Variants in HTR4 observed in about 807,000 individuals in gnomAD.
The protein encoded by HTR4 is 5-hydroxytryptamine (serotonin) receptor 4, G protein-coupled.
A neutral mutation model predicts 36.8 loss-of-function variants in HTR4; 16 were observed. That is an observed-to-expected ratio of 0.43 (90% CI 0.29 to 0.66). HTR4 has a LOEUF of 0.66. HTR4 is among the 30% of genes least tolerant of loss of function. The pLI is 0.13. For synonymous variants in HTR4, 189 were observed against 185.1 expected (o/e 1.02, Z -0.17); for missense variants, 438 against 490.9 (o/e 0.89, Z 1.02).
chr5:148,641,479 T>C (rs7712170), intron 1 of HTR4, among the ~76,000 whole-genome samples: 73,539 of 151,974 alleles, frequency 0.48, 18,422 homozygotes, highest in African/African-American at 0.6. Flanking sequence ...GGCGAGGAGT[T>C]AAGCAAACTC....
chr5:148,569,470 A>G (rs1009551532), intron 2 of HTR4, among the ~76,000 whole-genome samples: 4 of 152,236 alleles, frequency 2.6e-5, no homozygotes, highest in African/African-American at 9.6e-5. Context: ...TTACCTATGT[A>G]ACAAATCTGC....
intron 2 of HTR4, among the ~76,000 whole-genome samples, chr5:148,621,478 A>T (rs749470184): frequency 1.4e-4 from 22 of 152,210 alleles, no homozygotes; most frequent in Middle Eastern, 3.2e-3. Flanking sequence ...TGCCAGTTGC[A>T]TCAAACTCCT....
At chr5:148,596,330 G>A (rs929635876) in intron 2 of HTR4, among the ~76,000 whole-genome samples, 1 of 152,084 alleles carries the variant, frequency 6.6e-6, no homozygotes, top group African/African-American at 2.4e-5. Flanking sequence ...TCATCTTCCA[G>A]AAGCAAACCT....
chr5:148,518,369 A>C (rs1312659131), intron 5 of HTR4, among the ~76,000 whole-genome samples: 5 of 152,170 alleles, frequency 3.3e-5, no homozygotes. Context: ...AGATTCTCAA[A>C]TATGGTTGGG....
chr5:148,550,834 A>G (rs1481703117), intron 2 of HTR4, among the ~76,000 whole-genome samples: 1 of 152,148 alleles, frequency 6.6e-6, no homozygotes, highest in Non-Finnish European at 1.5e-5. Context: ...ATGATCCACG[A>G]TCCAATCATA....
At chr5:148,647,412 T>A (rs141918128) in intron 1 of HTR4, among the ~76,000 whole-genome samples, 2,328 of 152,270 alleles carry the variant, frequency 0.015, 27 homozygotes, top group Middle Eastern at 0.041. Context: ...AGGTGGACTA[T>A]TTTTTGTGGC....
Position 148,482,044 on chromosome 5 carries a change from A to G in HTR4, c.*1159T>C. 1.0e-6 allele frequency: 1 copy of G among 982,908 alleles called. No homozygotes were observed. The highest frequency in any genetic ancestry group is 1.7e-5 in the African/African-American group (1 of 57,310). The allele number at this position is 982,908 out of a possible 1,614,324, so 60.9% of individuals were successfully genotyped here. A position where few individuals can be genotyped will look rare whatever the true frequency, so the allele number is the denominator to read the frequency against. On this transcript the variant is annotated 3_prime_UTR_variant, in exon 7 of 7. Transcript: ENST00000377888. ...TCCAAGCTTGAGTGCACAGATGTGG[A>G]AAGTGGGGTCCAGAGATGAAAGAAC...
rs1296569288 is a variant in HTR4, at chr5:148,509,877, C to T, written c.655G>A (p.Ala219Thr). 6.2e-7 allele frequency: 1 copy of T among 1,613,954 alleles called. No individual in the cohort carries two copies. The highest frequency in any genetic ancestry group is 8.5e-7 in the Non-Finnish European group (1 of 1,179,982). The change falls in exon 6 of 7, where the codon GCT (alanine) becomes ACT (threonine). Residue 219 changes from alanine to threonine, a missense_variant. Coordinates refer to ENST00000377888, the MANE Select transcript of HTR4 (RefSeq NM_000870.7). ...TGGATCTGATGGGCATGCTCCTTAGCTGTGACATAGATGCGGTAATAGGCC... is the reference window on the plus strand; with the variant it reads ...TGGATCTGATGGGCATGCTCCTTAGTTGTGACATAGATGCGGTAATAGGCC... The part of the protein sequence containing the change: ...VLAYYRIYVT[A>T]KEHAHQIQML...
At chr5:148,501,976 C>T (rs766004133) in intron 6 of HTR4, among the ~76,000 whole-genome samples, 25 of 151,478 alleles carry the variant, frequency 1.7e-4, no homozygotes, top group African/African-American at 2.7e-4. Context: ...AAGAGAATGG[C>T]GTGAACCTGG....
rs58468874 is a variant in HTR4 at position 148,638,830 on chromosome 5, G to A, written c.-47-1769C>T. ...AACACTTTGGGGGGCCTAGGTGAGTGGATCGCTTGAGCCCAGGAGTTTGAG... is the reference window on the plus strand; with the variant it reads ...AACACTTTGGGGGGCCTAGGTGAGTAGATCGCTTGAGCCCAGGAGTTTGAG... On this transcript the variant is annotated intron_variant, in intron 1 of 6. Transcript: ENST00000377888. 7.8e-4 allele frequency among the ~76,000 whole-genome samples: 118 copies of A among 152,214 alleles called. 1 individual carries two copies. The East Asian group carries it at 0.02, about 26-fold the overall frequency.
chr5:148,603,220 C>T (rs911905561), intron 2 of HTR4, among the ~76,000 whole-genome samples: 7 of 151,876 alleles, frequency 4.6e-5, no homozygotes, highest in African/African-American at 1.7e-4. Flanking sequence ...ATAGTTATTT[C>T]ATCATTGTGA....
chr5:148,590,538 C>T (rs116238527), intron 2 of HTR4, among the ~76,000 whole-genome samples: 1 of 151,852 alleles, frequency 6.6e-6, no homozygotes, highest in African/African-American at 2.4e-5. Context: ...CAAATACTTT[C>T]TCAGCGCTAC....
At chr5:148,629,637 T>C (rs920158582) in intron 2 of HTR4, 2 of 152,120 alleles carry the variant, frequency 1.3e-5, no homozygotes, top group African/African-American at 4.8e-5. Context: ...CCAAATTCTC[T>C]AAAACAGGTG....
chr5:148,539,914 T>C (rs997576143), intron 4 of HTR4, among the ~76,000 whole-genome samples: 1 of 152,066 alleles, frequency 6.6e-6, no homozygotes, highest in Admixed American at 6.6e-5. Flanking sequence ...TAAAGACACA[T>C]GCACCCAAAT....
chr5:148,558,269 C>T (rs1299803297), intron 2 of HTR4, among the ~76,000 whole-genome samples: 1 of 151,966 alleles, frequency 6.6e-6, no homozygotes, highest in East Asian at 1.9e-4. Context: ...ATTTTATTAA[C>T]CTTAAATATA....
rs558457339 is a variant in HTR4, at chr5:148,572,494, G to T, written c.27-22232C>A. On this transcript the variant is annotated intron_variant, in intron 2 of 6. Coordinates refer to ENST00000377888, the MANE Select transcript of HTR4 (RefSeq NM_000870.7). ...GCATAATTATGAAGATAATCTAACAGTAAAATACATAATATGGAATACAGA... is the reference window on the plus strand; with the variant it reads ...GCATAATTATGAAGATAATCTAACATTAAAATACATAATATGGAATACAGA... Among the ~76,000 whole-genome samples the T allele has an allele frequency of 1.3e-3, 203 of 152,132 alleles. 1 individual carries two copies. Among genetic ancestry groups the T allele is most frequent in the African/African-American group, 4.7e-3 (197 of 41,538 alleles).
intron 4 of HTR4, among the ~76,000 whole-genome samples, chr5:148,534,577 C>G (rs973958616): frequency 2.0e-5 from 3 of 152,176 alleles, no homozygotes; most frequent in African/African-American, 7.2e-5. Flanking sequence ...TGGAACTGCC[C>G]TTGCTACCCT....
chr5:148,625,358 G>A (rs1033297025), intron 2 of HTR4, among the ~76,000 whole-genome samples: 3 of 152,186 alleles, frequency 2.0e-5, no homozygotes, highest in Non-Finnish European at 4.4e-5. Flanking sequence ...TATTTTCAGA[G>A]TAAAACCTCA....
chr5:148,566,990 G>A (rs1026350681), intron 2 of HTR4, among the ~76,000 whole-genome samples: 4 of 150,260 alleles, frequency 2.7e-5, no homozygotes, highest in Non-Finnish European at 3.0e-5. Flanking sequence ...CATTGCCTAT[G>A]TCTGGTTTTG....
Sources: allele counts gnomAD v4.1 joint callset (sites outside exome capture counted in the v4.1 genomes callset), GRCh38; gene constraint gnomAD v4.1.1; transcripts MANE v1.5; gene names NCBI Gene and HGNC (gene_info 2026-07-23, HGNC 2026-07-21).